CLOCK: variants seen among roughly 807,000 people sequenced by gnomAD.
CLOCK encodes the protein clock circadian regulator.
CLOCK carries 43 observed loss-of-function variants against 118.4 expected under a neutral mutation model. The ratio of observed to expected loss-of-function variants is 0.36; its 90% CI spans 0.28 to 0.47. CLOCK has a LOEUF of 0.47. Among genes scored for constraint, CLOCK ranks in the 20% least tolerant of loss-of-function variants. The pLI, the probability that CLOCK is intolerant of heterozygous loss-of-function variation, is 1.00. For missense variants in CLOCK, 846 were observed against 999.9 expected, an observed-to-expected ratio of 0.85 and a Z score of 2.08; for synonymous variants, 326 against 339.2, an observed-to-expected ratio of 0.96 and a Z score of 0.43.
chr4:55,491,071 A>G (rs888890539), intron 2 of CLOCK, among the ~76,000 whole-genome samples: 6 of 152,144 alleles, frequency 3.9e-5, no homozygotes, highest in Non-Finnish European at 8.8e-5. Flanking sequence ...TTGAATAACC[A>G]AAGAGTCAAG....
chr4:55,521,777 T>C (rs1256538615), intron 1 of CLOCK, among the ~76,000 whole-genome samples: 2 of 152,240 alleles, frequency 1.3e-5, no homozygotes, highest in East Asian at 1.9e-4. Context: ...CAATTTTTAC[T>C]AATATCTTAT....
intron 6 of CLOCK, 97 bp downstream of exon 6, chr4:55,478,718 T>C: frequency 4.1e-6 from 5 of 1,226,352 alleles, no homozygotes; most frequent in Non-Finnish European, 5.9e-6. Flanking sequence ...TTCTCTCTCT[T>C]AAAAAAGCCA....
At chr4:55,506,905 GTTTC>G (rs1305391595) in intron 2 of CLOCK, among the ~76,000 whole-genome samples, 2 of 152,080 alleles carry the variant, frequency 1.3e-5, no homozygotes, top group African/African-American at 2.4e-5. Context: ...AGGTTTCCAG[GTTTC>G]TTTGAGATCA....
At chr4:55,454,625 A>AGGG (rs1724774645) in intron 13 of CLOCK, among the ~76,000 whole-genome samples, 1 of 141,580 alleles carries the variant, frequency 7.1e-6, no homozygotes. Flanking sequence ...AAAAAAAAAA[A>AGGG]AAAAAAAAAA....
At chr4:55,471,309 T>C (rs1354345630) in intron 7 of CLOCK, among the ~76,000 whole-genome samples, 1 of 152,182 alleles carries the variant, frequency 6.6e-6, no homozygotes, top group African/African-American at 2.4e-5. Flanking sequence ...TGAGTTCATA[T>C]CATAAAAGGC....
At chr4:55,463,336 A>G (rs955938760) in intron 9 of CLOCK, among the ~76,000 whole-genome samples, 13 of 152,100 alleles carry the variant, frequency 8.5e-5, no homozygotes, top group South Asian at 2.1e-4. Flanking sequence ...AATGGTGAAA[A>G]TTAGAATGTT....
At chr4:55,459,041 TTA>T (rs761006117) in intron 10 of CLOCK, 31 bp from the exon 11 acceptor site, 5 of 1,564,126 alleles carry the variant, frequency 3.2e-6, no homozygotes, top group Non-Finnish European at 4.4e-6. Context: ...GTATCATCAG[TTA>T]TGCCAGCAAA....
intron 3 of CLOCK, among the ~76,000 whole-genome samples, chr4:55,483,673 C>T (rs908088287): frequency 2.0e-5 from 3 of 152,118 alleles, no homozygotes; most frequent in African/African-American, 4.8e-5. Flanking sequence ...AAAAGAATAT[C>T]GTATTTGAGA....
rs912024191 is a variant in CLOCK, at chr4:55,452,060, GCAATTTCTGACATGGCTCA to G, written c.1206+975_1206+993del. Among the ~76,000 whole-genome samples, 93 of 152,230 alleles carry G rather than the reference GCAATTTCTGACATGGCTCA, an allele frequency of 6.1e-4. 1 individual carries two copies. The highest frequency in any genetic ancestry group is 2.1e-3 in the African/African-American group (86 of 41,536). On this transcript the variant is annotated intron_variant, in intron 15 of 22. Coordinates refer to ENST00000513440, the MANE Select transcript of CLOCK (RefSeq NM_004898.4). Reference sequence around the variant, plus strand: ...TGCAGGTCCAAAAATACTGTGGTAGGCAATTTCTGACATGGCTCACAATTCCTGCCTCCTGATATTCATG... The same window carrying G: ...TGCAGGTCCAAAAATACTGTGGTAGGCAATTCCTGCCTCCTGATATTCATG...
intron 1 of CLOCK, among the ~76,000 whole-genome samples, chr4:55,543,109 G>C (rs1223860314): frequency 6.6e-6 from 1 of 152,120 alleles, no homozygotes; most frequent in East Asian, 1.9e-4. Flanking sequence ...GTAGCAAAGA[G>C]GTCTCACTAT....
intron 8 of CLOCK, among the ~76,000 whole-genome samples, 156 bp from the exon 9 acceptor site, chr4:55,463,961 T>C (rs559782726): frequency 1.3e-5 from 2 of 152,204 alleles, no homozygotes; most frequent in Non-Finnish European, 2.9e-5. Context: ...AAAAATAAGA[T>C]TGAGATCATA....
intron 3 of CLOCK, among the ~76,000 whole-genome samples, chr4:55,483,370 G>C (rs991011153): frequency 6.6e-6 from 1 of 152,226 alleles, no homozygotes; most frequent in African/African-American, 2.4e-5. Context: ...GTGGGAATTA[G>C]AGAGGGGAAA....
chr4:55,451,102 C>A (rs1724405729), intron 15 of CLOCK, among the ~76,000 whole-genome samples: 1 of 151,912 alleles, frequency 6.6e-6, no homozygotes, highest in Non-Finnish European at 1.5e-5. Context: ...TGCCCCATTT[C>A]TCTTCTCTTT....
At position 55,432,697 on chromosome 4, in the gene CLOCK, G is replaced by A. The variant is rs1352837798; in HGVS notation, c.*2718C>T. The A allele has an allele frequency of 1.3e-5, 2 of 152,036 alleles. No individual in the cohort carries two copies. The allele number at this position is 152,036 out of a possible 1,614,324, so 9.4% of individuals were successfully genotyped here. On this transcript the variant is annotated 3_prime_UTR_variant, in exon 23 of 23. Coordinates refer to ENST00000513440, the MANE Select transcript of CLOCK (RefSeq NM_004898.4). ...AGGAAAACAAAGCAGCAAAGAGGCAGCTGGTGCTTACTACCTCTTCCACTA... is the reference window on the plus strand; with the variant it reads ...AGGAAAACAAAGCAGCAAAGAGGCAACTGGTGCTTACTACCTCTTCCACTA...
chr4:55,445,513 T>C (rs992363074), intron 18 of CLOCK, among the ~76,000 whole-genome samples: 3 of 151,728 alleles, frequency 2.0e-5, no homozygotes, highest in Admixed American at 6.6e-5. Flanking sequence ...CTAAGTATGT[T>C]CCTTCCTTGG....
chr4:55,481,824 A>G (rs1726952569), intron 4 of CLOCK, among the ~76,000 whole-genome samples: 1 of 152,250 alleles, frequency 6.6e-6, no homozygotes, highest in South Asian at 2.1e-4. Flanking sequence ...GACTTTAAAC[A>G]AGTTATTTAA....
chr4:55,435,348 G>GT lies in CLOCK; in HGVS notation c.*66dup. 1 of 1,570,968 alleles carries GT rather than the reference G, an allele frequency of 6.4e-7. No homozygotes were observed. The highest frequency in any genetic ancestry group is 1.7e-5 in the Admixed American group (1 of 59,866). On this transcript the variant is annotated 3_prime_UTR_variant, in exon 23 of 23. Transcript: ENST00000513440. ...CTGGAACTTTCCCTCCTTTCCTCAGGTCATCTGAGTAACTCTTAATGGGCC... is the reference window on the plus strand; with the variant it reads ...CTGGAACTTTCCCTCCTTTCCTCAGGTTCATCTGAGTAACTCTTAATGGGCC...
intron 1 of CLOCK, among the ~76,000 whole-genome samples, chr4:55,515,214 T>C (rs1729429601): frequency 6.6e-6 from 1 of 152,212 alleles, no homozygotes; most frequent in Admixed American, 6.5e-5. Context: ...TAAATGGAAA[T>C]CTGTTATGAT....
At chr4:55,477,518 C>T (rs1726600756) in intron 6 of CLOCK, among the ~76,000 whole-genome samples, 1 of 151,678 alleles carries the variant, frequency 6.6e-6, no homozygotes, top group Non-Finnish European at 1.5e-5. Flanking sequence ...TCTTAGGTGA[C>T]TAAAAGGATG....
Sources: gnomAD v4.1 joint callset for allele counts (sites outside exome capture counted in the v4.1 genomes callset) on GRCh38, gnomAD v4.1.1 for gene constraint, MANE v1.5 for transcripts, NCBI Gene and HGNC (gene_info 2026-07-23, HGNC 2026-07-21) for gene names.